Variants in EPS15 observed in about 807,000 individuals in gnomAD.
EPS15 encodes epidermal growth factor receptor substrate 15.
A neutral mutation model predicts 113.8 loss-of-function variants in EPS15; 72 were observed. The ratio of observed to expected loss-of-function variants is 0.63; its 90% CI spans 0.52 to 0.77. The LOEUF is 0.77. Among genes scored for constraint, EPS15 ranks in the 30% least tolerant of loss-of-function variants. The pLI is 0.00. For synonymous variants in EPS15, 344 were observed against 363.4 expected, an observed-to-expected ratio of 0.95 and a Z score of 0.61; for missense variants, 1,048 against 1,045.8, an observed-to-expected ratio of 1.00 and a Z score of -0.03.
chr1:51,410,088 G>A (rs982637169), intron 13 of EPS15, among the ~76,000 whole-genome samples: 5 of 152,010 alleles, frequency 3.3e-5, no homozygotes, highest in African/African-American at 1.2e-4. Context: ...ATTTAGCTGG[G>A]CGTGGTGGCG....
At chr1:51,394,582 C>G in intron 20 of EPS15, 135 bp from the exon 21 acceptor site, 1 of 475,040 alleles carries the variant, frequency 2.1e-6, no homozygotes, top group East Asian at 3.3e-5. Context: ...CAAATGTTTC[C>G]CCATAGTGAT....
chr1:51,441,980 A>C (rs773567421), intron 11 of EPS15, among the ~76,000 whole-genome samples: 1 of 152,136 alleles, frequency 6.6e-6, no homozygotes, highest in Non-Finnish European at 1.5e-5. Flanking sequence ...GCCACACTGC[A>C]GTTTTAGTAC....
At chr1:51,430,225 C>T (rs984225791) in intron 12 of EPS15, among the ~76,000 whole-genome samples, 2 of 152,076 alleles carry the variant, frequency 1.3e-5, no homozygotes, top group Admixed American at 6.6e-5. Context: ...AGAAAGTCTT[C>T]GTTTTTAATT....
At chr1:51,389,374 C>T (rs1186775482) in intron 21 of EPS15, among the ~76,000 whole-genome samples, 3 of 152,186 alleles carry the variant, frequency 2.0e-5, no homozygotes, top group Admixed American at 6.5e-5. Context: ...ACTGAATGGG[C>T]AAAAACTGCA....
At chr1:51,365,124 G>A (rs1646479658) in intron 22 of EPS15, among the ~76,000 whole-genome samples, 1 of 152,146 alleles carries the variant, frequency 6.6e-6, no homozygotes, top group South Asian at 2.1e-4. Context: ...GAGCCACCGC[G>A]CCTGGCTGGA....
intron 13 of EPS15, among the ~76,000 whole-genome samples, chr1:51,413,640 T>A (rs1048751978): frequency 7.9e-5 from 12 of 152,200 alleles, no homozygotes. Flanking sequence ...AATACCTACA[T>A]TTCTAAACTG....
At chr1:51,419,083 T>C (rs1650508742) in intron 13 of EPS15, among the ~76,000 whole-genome samples, 1 of 152,128 alleles carries the variant, frequency 6.6e-6, no homozygotes, top group Non-Finnish European at 1.5e-5. Flanking sequence ...TCTCCCCTTA[T>C]GAAAAACAAA....
intron 21 of EPS15, among the ~76,000 whole-genome samples, chr1:51,393,115 C>T (rs1159133430): frequency 1.3e-5 from 2 of 152,338 alleles, no homozygotes; most frequent in South Asian, 4.1e-4. Context: ...CTCACTCTTG[C>T]TACTCATGTT....
chr1:51,400,262 A>C (rs1244660010), intron 19 of EPS15, among the ~76,000 whole-genome samples: 1 of 152,212 alleles, frequency 6.6e-6, no homozygotes, highest in Non-Finnish European at 1.5e-5. Context: ...TGTGGGCTAT[A>C]ATCTTAGGAA....
chr1:51,476,204 A>G (rs1445251506), intron 2 of EPS15, among the ~76,000 whole-genome samples: 1 of 152,200 alleles, frequency 6.6e-6, no homozygotes, highest in Non-Finnish European at 1.5e-5. Context: ...TTGGTTCCAT[A>G]TGAACTTTAA....
chr1:51,469,863 T>C (rs971534618), intron 4 of EPS15, among the ~76,000 whole-genome samples: 9 of 151,518 alleles, frequency 5.9e-5, no homozygotes, highest in South Asian at 2.1e-4. Flanking sequence ...CCAAATAGAA[T>C]AGCCTTAAAA....
chr1:51,372,480 GATT>G (rs1456958406), intron 21 of EPS15: 1 of 533,230 alleles, frequency 1.9e-6, no homozygotes, highest in African/African-American at 1.9e-5. Flanking sequence ...TTTAGACCAT[GATT>G]ATTTGGAAAA....
At chr1:51,470,935 A>G (rs916361751) in intron 4 of EPS15, among the ~76,000 whole-genome samples, 15 of 152,100 alleles carry the variant, frequency 9.9e-5, no homozygotes, top group African/African-American at 3.4e-4. Flanking sequence ...TTGTTTTCCT[A>G]TACCTCCAAT....
At chr1:51,499,402 T>A (rs557374607) in intron 1 of EPS15, among the ~76,000 whole-genome samples, 1 of 152,346 alleles carries the variant, frequency 6.6e-6, no homozygotes, top group South Asian at 2.1e-4. Flanking sequence ...ATTTCTACCT[T>A]TTAATTCTTG....
At chr1:51,411,444 A>G (rs970637937) in intron 13 of EPS15, among the ~76,000 whole-genome samples, 1 of 152,210 alleles carries the variant, frequency 6.6e-6, no homozygotes, top group Non-Finnish European at 1.5e-5. Context: ...GGAACTGTAC[A>G]GAGAATTTAA....
At position 51,356,132 on chromosome 1, in the gene EPS15, T is replaced by C. The variant is rs933295079; in HGVS notation, c.*568A>G. On this transcript the variant is annotated 3_prime_UTR_variant, in exon 25 of 25. Transcript: ENST00000371733. ...TAATGGTTCAACCTACAGCATCCCTTTTCCATAGTGGAGTAAATCTGTGCA... is the reference window on the plus strand; with the variant it reads ...TAATGGTTCAACCTACAGCATCCCTCTTCCATAGTGGAGTAAATCTGTGCA... The C allele has an allele frequency of 2.9e-5, 6 of 208,068 alleles. No individual in the cohort carries two copies. Among genetic ancestry groups the C allele is most frequent in the Non-Finnish European group, 5.9e-5 (6 of 102,142 alleles). The allele number at this position is 208,068 out of a possible 1,614,324, so 12.9% of individuals were successfully genotyped here. A position where few individuals can be genotyped will look rare whatever the true frequency, so the allele number is the denominator to read the frequency against.
At chr1:51,450,641 G>A (rs1379992357) in intron 8 of EPS15, among the ~76,000 whole-genome samples, 2 of 151,744 alleles carry the variant, frequency 1.3e-5, no homozygotes, top group African/African-American at 2.4e-5. Flanking sequence ...TGCTCAAATT[G>A]GTACCACCCC....
intron 21 of EPS15, among the ~76,000 whole-genome samples, chr1:51,375,963 T>C (rs996976834): frequency 1.3e-4 from 20 of 152,254 alleles, no homozygotes; most frequent in Non-Finnish European, 2.1e-4. Flanking sequence ...TAGCAAGTAC[T>C]GATACAGAAG....
chr1:51,380,727 ACT>A (rs1646921672), intron 21 of EPS15, among the ~76,000 whole-genome samples: 2 of 152,206 alleles, frequency 1.3e-5, no homozygotes, highest in Non-Finnish European at 1.5e-5. Flanking sequence ...AATGGATTAA[ACT>A]CTCTAATGAA....
Sources: allele counts gnomAD v4.1 joint callset (sites outside exome capture counted in the v4.1 genomes callset), GRCh38; gene constraint gnomAD v4.1.1; transcripts MANE v1.5; gene names NCBI Gene and HGNC (gene_info 2026-07-23, HGNC 2026-07-21).